Variants in USP34 observed in about 807,000 individuals in gnomAD.
USP34 encodes the protein ubiquitin specific peptidase 34, also known as ubiquitin carboxyl-terminal hydrolase 34.
USP34 carries 70 observed loss-of-function variants against 460.3 expected under a neutral mutation model. That is an observed-to-expected ratio of 0.15 (90% confidence interval 0.13 to 0.19). The LOEUF (loss-of-function observed/expected upper bound fraction) is 0.19. Ranked by LOEUF, USP34 falls within the 10% of genes least tolerant of loss-of-function variation. USP34 has a pLI of 1.00. For missense variants in USP34, 3,985 were observed against 4,236.2 expected, an observed-to-expected ratio of 0.94 and a Z score of 1.65; for synonymous variants, 1,647 against 1,405.3, an observed-to-expected ratio of 1.17 and a Z score of -3.85.
chr2:61,206,035 G>T lies in USP34; in HGVS notation c.9136C>A (p.Leu3046Ile). The change falls in exon 72 of 80, where the codon CTT becomes ATT. Residue 3046 changes from leucine to isoleucine, a missense_variant. Physicochemically the swap from Leu to Ile is conservative, Grantham distance 5 (BLOSUM62 2). Coordinates refer to ENST00000398571, the MANE Select transcript of USP34 (RefSeq NM_014709.4). ...TLLNSYSPPELRNACIDVLKE... is the reference protein window; with the variant it reads ...TLLNSYSPPEIRNACIDVLKE... ...AACTTACCTATACAGGCATTTCTAAGTTCTGGAGGACTATAGGAATTAAGA... is the reference window on the plus strand; with the variant it reads ...AACTTACCTATACAGGCATTTCTAATTTCTGGAGGACTATAGGAATTAAGA... 1 of 1,613,320 alleles carries T rather than the reference G, an allele frequency of 6.2e-7. No individual in the cohort carries two copies. Among genetic ancestry groups the T allele is most frequent in the Non-Finnish European group, 8.5e-7 (1 of 1,179,476 alleles).
At chr2:61,450,259 T>C (rs535987500) in intron 1 of USP34, among the ~76,000 whole-genome samples, 5 of 152,218 alleles carry the variant, frequency 3.3e-5, no homozygotes, top group African/African-American at 9.6e-5. Flanking sequence ...TGCATATTGG[T>C]TGTTGCTTCG....
intron 18 of USP34, among the ~76,000 whole-genome samples, chr2:61,334,440 C>A (rs1313349442): frequency 1.3e-5 from 2 of 152,074 alleles, no homozygotes; most frequent in Non-Finnish European, 2.9e-5. Flanking sequence ...GTCTGCCTAT[C>A]CTCTGAAAGG....
chr2:61,441,545 G>A (rs1397649869), intron 1 of USP34, among the ~76,000 whole-genome samples: 3 of 152,098 alleles, frequency 2.0e-5, no homozygotes, highest in East Asian at 1.9e-4. Context: ...TGGGGCTAGA[G>A]GTGCCCCTGT....
chr2:61,266,061 A>G lies in USP34; in HGVS notation c.5540T>C (p.Leu1847Ser), dbSNP rs1689035682. ...SHSSRAAAYD[L>S]LVEMVKGSVE... ...AGACCCCTTTACCATCTCTACTAAC[A>G]AATCGTAAGCGGCAGCTCTTGAAGA... The change falls in exon 42 of 80, where the codon TTG becomes TCG. Residue 1847 changes from leucine (L) to serine (S), a missense_variant. Around this residue, in one of 14 missense-constraint regions of USP34, gnomAD observed 1,114 missense variants for 1,122.5 expected, o/e 0.99. Coordinates refer to ENST00000398571, the MANE Select transcript of USP34 (RefSeq NM_014709.4). The G allele has an allele frequency of 6.2e-7, 1 of 1,613,888 alleles. No individual in the cohort carries two copies. Among genetic ancestry groups the G allele is most frequent in the Admixed American group, 1.7e-5 (1 of 59,990 alleles).
chr2:61,206,765 C>G lies in USP34; in HGVS notation c.9041G>C (p.Arg3014Thr). 6.2e-7 allele frequency: 1 copy of G among 1,613,042 alleles called. No homozygotes were observed. Among genetic ancestry groups the G allele is most frequent in the Non-Finnish European group, 8.5e-7 (1 of 1,179,568 alleles). Reference protein sequence around the residue: ...VLKSTRPYLQRKDVKQALIQW... With the variant: ...VLKSTRPYLQTKDVKQALIQW... ...AGAAGTAGGAATGAGCAAACCTTTT[C>G]TCTGAAGATAAGGGCGTGTAGACTT... The change falls in exon 71 of 80, where the codon AGA becomes ACA. Residue 3014 changes from arginine (R) to threonine (T), a missense_variant. Coordinates refer to ENST00000398571, the MANE Select transcript of USP34 (RefSeq NM_014709.4).
chr2:61,215,311 G>T (rs542340951), intron 67 of USP34, among the ~76,000 whole-genome samples: 1 of 152,004 alleles, frequency 6.6e-6, no homozygotes. Flanking sequence ...GTGTTAAATT[G>T]TAACCAGATA....
At chr2:61,238,236 T>G (rs1164763529) in intron 53 of USP34, among the ~76,000 whole-genome samples, 4 of 152,154 alleles carry the variant, frequency 2.6e-5, no homozygotes, top group Non-Finnish European at 4.4e-5. Context: ...ATCCTCATCT[T>G]GGGCCACTTT....
At chr2:61,338,481 CT>C (rs1691494243) in intron 18 of USP34, among the ~76,000 whole-genome samples, 1 of 152,126 alleles carries the variant, frequency 6.6e-6, no homozygotes, top group South Asian at 2.1e-4. Context: ...ATAGCATGTA[CT>C]TTTAAAATTC....
intron 10 of USP34, among the ~76,000 whole-genome samples, chr2:61,364,243 T>A (rs1226146504): frequency 6.6e-6 from 1 of 152,160 alleles, no homozygotes; most frequent in African/African-American, 2.4e-5. Context: ...CATGCTTTAG[T>A]CCCAGCTACT....
In USP34 at chr2:61,203,212, G is replaced by A; in HGVS notation, c.9436C>T (p.His3146Tyr). The change falls in exon 75 of 80, where the codon CAT becomes TAT. Residue 3146 changes from histidine (H) to tyrosine (Y), a missense_variant. Physicochemically the swap from His to Tyr is moderately conservative, Grantham distance 83. Around this residue, in one of 14 missense-constraint regions of USP34, gnomAD observed 28 missense variants for 36.8 expected, o/e 0.76. Coordinates refer to ENST00000398571, the MANE Select transcript of USP34 (RefSeq NM_014709.4). Reference protein sequence around the residue: ...RMLLDYFFSYHQFIHLLCRVA... With the variant: ...RMLLDYFFSYYQFIHLLCRVA... ...CGGCATAATAGATGGATGAACTGAT[G>A]ATAAGAAAAGAAGTAGTCTAGCAGC... 1 of 1,601,862 alleles carries A rather than the reference G, an allele frequency of 6.2e-7. No homozygotes were observed. The highest frequency in any genetic ancestry group is 8.5e-7 in the Non-Finnish European group (1 of 1,174,208).
intron 5 of USP34, among the ~76,000 whole-genome samples, chr2:61,392,092 G>T (rs184706707): frequency 6.6e-6 from 1 of 152,296 alleles, no homozygotes. Context: ...AGATAAAACA[G>T]AATCTAAGCC....
intron 5 of USP34, among the ~76,000 whole-genome samples, chr2:61,385,528 CGGA>C (rs1693111749): frequency 1.3e-5 from 2 of 151,460 alleles, no homozygotes; most frequent in Admixed American, 1.3e-4. Context: ...AAAACTTAGC[CGGA>C]CGTGGTGGCG....
intron 3 of USP34, 99 bp from the exon 4 acceptor site, chr2:61,395,332 C>T (rs975923806): frequency 2.5e-6 from 2 of 792,934 alleles, no homozygotes; most frequent in Non-Finnish European, 4.0e-6. Flanking sequence ...ACCGAATAAA[C>T]AGATTATTTT....
chr2:61,223,379 T>C, intron 62 of USP34, 83 bp from the exon 63 acceptor site: 1 of 1,346,224 alleles, frequency 7.4e-7, no homozygotes, highest in Non-Finnish European at 1.0e-6. Context: ...CAAAAATTGT[T>C]GATTCAATTA....
chr2:61,422,220 A>C (rs1573025702), intron 1 of USP34, among the ~76,000 whole-genome samples: 1 of 152,220 alleles, frequency 6.6e-6, no homozygotes, highest in Non-Finnish European at 1.5e-5. Flanking sequence ...GATTTCAACA[A>C]GGTGAAGAAG....
chr2:61,278,970 A>C (rs1490855275), intron 39 of USP34, among the ~76,000 whole-genome samples: 2 of 152,176 alleles, frequency 1.3e-5, no homozygotes, highest in African/African-American at 2.4e-5. Flanking sequence ...AAACAACAAC[A>C]TTAAAACAGA....
intron 1 of USP34, among the ~76,000 whole-genome samples, chr2:61,457,004 G>A (rs1695460073): frequency 6.6e-6 from 1 of 151,454 alleles, no homozygotes; most frequent in Non-Finnish European, 1.5e-5. Context: ...GACCAGTGGT[G>A]ACTGCTCACA....
intron 41 of USP34, among the ~76,000 whole-genome samples, chr2:61,275,761 A>C (rs1280865893): frequency 6.6e-6 from 1 of 152,196 alleles, no homozygotes; most frequent in Non-Finnish European, 1.5e-5. Context: ...TGGCCAAGTG[A>C]AGAGTAAGTG....
intron 58 of USP34, among the ~76,000 whole-genome samples, chr2:61,231,540 A>C (rs1224223448): frequency 1.3e-5 from 2 of 151,678 alleles, no homozygotes; most frequent in African/African-American, 2.4e-5. Context: ...GGGGAGAGAC[A>C]CTCTCTCTAC....
Sources: allele counts gnomAD v4.1 joint callset (sites outside exome capture counted in the v4.1 genomes callset), GRCh38; gene constraint gnomAD v4.1.1; regional missense constraint gnomAD v4.1.1; transcripts MANE v1.5; gene names NCBI Gene and HGNC (gene_info 2026-07-23, HGNC 2026-07-21).